The following SCRG1 variants were observed in gnomAD, a reference collection of about 807,000 sequenced individuals.
The protein encoded by SCRG1 is stimulator of chondrogenesis 1, also known as scrapie-responsive protein 1.
A neutral mutation model predicts 7.7 loss-of-function variants in SCRG1; 3 were observed. The observed-to-expected ratio is 0.39, with a 90% CI of 0.18 to 1.01. The LOEUF (loss-of-function observed/expected upper bound fraction) is 1.01, where lower values mean the gene tolerates loss of function less well. Among genes scored for constraint, SCRG1 ranks in the 50% least tolerant of loss-of-function variants. The pLI is 0.36. For synonymous variants in SCRG1, 46 were observed against 41.2 expected, an observed-to-expected ratio of 1.12 and a Z score of -0.44; for missense variants, 110 against 117.2, an observed-to-expected ratio of 0.94 and a Z score of 0.28.
At chr4:173,391,002 T>C (rs2126914216) in intron 2 of SCRG1, among the ~76,000 whole-genome samples, 171 bp downstream of exon 2, 1 of 152,368 alleles carries the variant, frequency 6.6e-6, no homozygotes, top group Admixed American at 6.5e-5. Context: ...TTCATTTAAA[T>C]GAAAACATTT....
upstream of SCRG1, among the ~76,000 whole-genome samples, chr4:173,407,359 A>G (rs138779780): frequency 0.019 from 2,839 of 152,150 alleles, 91 homozygotes; most frequent in African/African-American, 0.061. Context: ...TGTACTAAAA[A>G]TACAAAAATA....
the SCRG1 span, among the ~76,000 whole-genome samples, chr4:173,519,056 C>T: frequency 2.0e-5 from 3 of 151,854 alleles, no homozygotes; most frequent in Non-Finnish European, 4.4e-5. Context: ...CCCCCAGGCC[C>T]GCCACGTCTA....
the SCRG1 span, among the ~76,000 whole-genome samples, chr4:173,475,137 A>G: frequency 1.3e-5 from 2 of 152,274 alleles, no homozygotes; most frequent in East Asian, 3.9e-4. Context: ...AAGGAATGTG[A>G]CAGAAAGAGA....
the SCRG1 span, among the ~76,000 whole-genome samples, chr4:173,447,664 G>T: frequency 6.6e-6 from 1 of 152,202 alleles, no homozygotes; most frequent in Admixed American, 6.5e-5. Flanking sequence ...ATCTGGCCGG[G>T]CATGGTGGCT....
chr4:173,491,115 A>C, the SCRG1 span, among the ~76,000 whole-genome samples: 40 of 151,924 alleles, frequency 2.6e-4, no homozygotes, highest in Non-Finnish European at 4.9e-4. Context: ...CCCTGTCACC[A>C]AACTCTGGCT....
At chr4:173,484,214 T>C in the SCRG1 span, among the ~76,000 whole-genome samples, 1 of 84,726 alleles carries the variant, frequency 1.2e-5, no homozygotes, top group Admixed American at 2.1e-4. Context: ...ATATATTTTC[T>C]ATATTATATA....
chr4:173,460,419 TGAG>T, the SCRG1 span, among the ~76,000 whole-genome samples: 1 of 152,082 alleles, frequency 6.6e-6, no homozygotes, highest in Non-Finnish European at 1.5e-5. Context: ...TCCTTTCACT[TGAG>T]GAGAGGAGAG....
At chr4:173,512,875 C>T in the SCRG1 span, among the ~76,000 whole-genome samples, 3 of 152,210 alleles carry the variant, frequency 2.0e-5, no homozygotes, top group African/African-American at 7.2e-5. Flanking sequence ...GAACAGTCAC[C>T]TCTGGCTTTA....
the SCRG1 span, among the ~76,000 whole-genome samples, chr4:173,504,750 T>A: frequency 6.6e-6 from 1 of 152,226 alleles, no homozygotes; most frequent in Non-Finnish European, 1.5e-5. The surrounding 1 kb of genome is among the most constrained non-coding windows in gnomAD (Gnocchi z 4.7). Flanking sequence ...AACACCATCC[T>A]TCTCAGAGGA....
rs966508129 is a variant in SCRG1 at position 173,386,185 on chromosome 4, A to C, written c.*2156T>G. 6.6e-6 allele frequency: 1 copy of C among 152,104 alleles called. No homozygotes were observed. The highest frequency in any genetic ancestry group is 1.5e-5 in the Non-Finnish European group (1 of 68,156). 9.4% of individuals were successfully genotyped at this position (152,104 alleles called of 1,614,324 possible). A position where few individuals can be genotyped will look rare whatever the true frequency, so the allele number is the denominator to read the frequency against. On this transcript the variant is annotated 3_prime_UTR_variant, in exon 3 of 3. Coordinates refer to ENST00000296506, the MANE Select transcript of SCRG1 (RefSeq NM_007281.4). ...AGTCTCACTCTGTCGCCCAGGCTGG[A>C]GTGCAGTGGCACGATCTCAGCTCAC...
the SCRG1 span, among the ~76,000 whole-genome samples, chr4:173,493,998 A>G: frequency 6.6e-6 from 1 of 152,222 alleles, no homozygotes; most frequent in Non-Finnish European, 1.5e-5. Flanking sequence ...ACAAAATTTG[A>G]AAACTGAAAT....
chr4:173,392,702 A>G (rs151187754), intron 1 of SCRG1, among the ~76,000 whole-genome samples: 171 of 152,350 alleles, frequency 1.1e-3, no homozygotes, highest in African/African-American at 4.1e-3. Flanking sequence ...ATCCAGAGCC[A>G]TTCAGATTTT....
chr4:173,484,072 C>G, the SCRG1 span, among the ~76,000 whole-genome samples: 21 of 47,724 alleles, frequency 4.4e-4, no homozygotes, highest in Non-Finnish European at 6.5e-4. Flanking sequence ...ATATAATATA[C>G]ATGATATAAT....
chr4:173,430,606 T>TACTGAAACATGTAGAG, the SCRG1 span, among the ~76,000 whole-genome samples: 3 of 151,736 alleles, frequency 2.0e-5, no homozygotes, highest in South Asian at 4.1e-4. Context: ...CTGGGCAACA[T>TACTGAAACATGTAGAG]ACTGAAACAT....
At chr4:173,438,103 AT>A in the SCRG1 span, among the ~76,000 whole-genome samples, 36 of 152,028 alleles carry the variant, frequency 2.4e-4, no homozygotes, top group Admixed American at 2.6e-4. Context: ...TAAGTTTTTT[AT>A]TTTTTAATTA....
At chr4:173,484,831 A>T in the SCRG1 span, among the ~76,000 whole-genome samples, 1 of 81,862 alleles carries the variant, frequency 1.2e-5, no homozygotes. Flanking sequence ...TATATATTAT[A>T]TGTACAATAT....
chr4:173,422,643 A>G, the SCRG1 span, among the ~76,000 whole-genome samples: 1 of 152,224 alleles, frequency 6.6e-6, no homozygotes, highest in Admixed American at 6.5e-5. Flanking sequence ...AAATTGTTAA[A>G]CAAGAGACCT....
chr4:173,484,530 T>A, the SCRG1 span, among the ~76,000 whole-genome samples: 21 of 81,502 alleles, frequency 2.6e-4, no homozygotes, highest in East Asian at 3.8e-4. Flanking sequence ...ATAATATATA[T>A]TATATATTAT....
At chr4:173,510,495 G>A in the SCRG1 span, among the ~76,000 whole-genome samples, 2 of 151,906 alleles carry the variant, frequency 1.3e-5, no homozygotes, top group Non-Finnish European at 2.9e-5. This position sits in a 1 kb window ranked among gnomAD's most constrained non-coding sequence, Gnocchi z 5.7. Flanking sequence ...CCACAAGTAG[G>A]TAGGCACATC....
Sources: allele counts gnomAD v4.1 joint callset (sites outside exome capture counted in the v4.1 genomes callset), GRCh38; gene constraint gnomAD v4.1.1; non-coding constraint Gnocchi (gnomAD v3.1); transcripts MANE v1.5; gene names NCBI Gene and HGNC (gene_info 2026-07-23, HGNC 2026-07-21).